LONP1: variants seen among roughly 807,000 people sequenced by gnomAD.
The protein encoded by LONP1 is lon peptidase 1, mitochondrial.
A neutral mutation model predicts 98.5 loss-of-function variants in LONP1; 31 were observed. That is an observed-to-expected ratio of 0.31 (90% CI 0.24 to 0.42). The LOEUF is 0.42. LONP1 is among the 20% of genes least tolerant of loss of function. The probability of loss-of-function intolerance (pLI) is 1.00; values close to 1 mark genes in which losing one functional copy is unlikely to be tolerated. For synonymous variants in LONP1, 781 were observed against 594.7 expected (o/e 1.31, Z -4.56); for missense variants, 1,336 against 1,350.6 (o/e 0.99, Z 0.17).
Position 5,696,270 on chromosome 19 carries a change from G to C in LONP1, c.1875C>G (p.Asp625Glu). The C allele has an allele frequency of 6.2e-7, 1 of 1,613,340 alleles. No homozygotes were observed. The highest frequency in any genetic ancestry group is 8.5e-7 in the Non-Finnish European group (1 of 1,179,868). ...QNANFLDHYL[D>E]VPVDLSKVLF... ...CCACCTTGGACAAGTCCACGGGCAC[G>C]TCCAGGTAGTGGTCCAGGAAGTTGG... Residue 625 changes from aspartate to glutamate, a missense_variant, in exon 12 of 18, where the codon GAC (aspartate) becomes GAG (glutamate). Physicochemically the swap from Asp to Glu is conservative, Grantham distance 45 (BLOSUM62 2). This residue lies in a region of LONP1 where 555 missense variants were observed against 542.6 expected (regional missense o/e 1.02). Coordinates refer to ENST00000360614, the MANE Select transcript of LONP1 (RefSeq NM_004793.4).
At chr19:5,716,805 T>G (rs1428322443) in intron 1 of LONP1, among the ~76,000 whole-genome samples, 1 of 152,172 alleles carries the variant, frequency 6.6e-6, no homozygotes, top group Non-Finnish European at 1.5e-5. Flanking sequence ...GGAAGCAATT[T>G]TTTTTTAAGA....
At chr19:5,704,680 A>C (rs1572491) in intron 8 of LONP1, among the ~76,000 whole-genome samples, 9,240 of 152,302 alleles carry the variant, frequency 0.061, 340 homozygotes, top group Middle Eastern at 0.14. Flanking sequence ...AAAGGATCTC[A>C]GAGGTACCTG....
chr19:5,702,645 G>A (rs1199957578), intron 8 of LONP1, among the ~76,000 whole-genome samples: 1 of 152,236 alleles, frequency 6.6e-6, no homozygotes, highest in Non-Finnish European at 1.5e-5. Context: ...AAGTAGACAT[G>A]AGAGACTTTT....
chr19:5,694,185 G>A (rs942397690), intron 15 of LONP1, among the ~76,000 whole-genome samples: 1 of 152,104 alleles, frequency 6.6e-6, no homozygotes, highest in Admixed American at 6.6e-5. Flanking sequence ...AATCCATAAG[G>A]CCCATGGTGT....
chr19:5,720,050 C>T lies in LONP1; in HGVS notation c.83G>A (p.Gly28Glu). ...TCCTGCTGCAGTGGGAACCCGCCCCCCGGCGGCGGCCAGCATCGGCCGCCG... is the reference window on the plus strand; with the variant it reads ...TCCTGCTGCAGTGGGAACCCGCCCCTCGGCGGCGGCCAGCATCGGCCGCCG... ...VLRRPMLAAA[G>E]GRVPTAAGAW... Residue 28 changes from glycine to glutamate, a missense_variant, in exon 1 of 18, where the codon GGG becomes GAG. Physicochemically the swap from Gly to Glu is moderately conservative, Grantham distance 98. This residue lies in a region of LONP1 where 457 missense variants were observed against 403.1 expected (regional missense o/e 1.13). Coordinates refer to ENST00000360614, the MANE Select transcript of LONP1 (RefSeq NM_004793.4). The T allele has an allele frequency of 1.3e-6, 2 of 1,538,410 alleles. No individual in the cohort carries two copies. The highest frequency in any genetic ancestry group is 1.4e-5 in the African/African-American group (1 of 70,980).
In LONP1 at chr19:5,692,148, C is replaced by A. The variant is rs139476430; in HGVS notation, c.2764G>T (p.Asp922Tyr). 50 of 1,614,022 alleles carry A rather than the reference C, an allele frequency of 3.1e-5. No individual in the cohort carries two copies. Among genetic ancestry groups the A allele is most frequent in the Non-Finnish European group, 4.2e-5 (49 of 1,180,004 alleles). ...LPAENKKDFYDLAAFITEGLE... is the reference protein window; with the variant it reads ...LPAENKKDFYYLAAFITEGLE... ...CCCTCGGTGATGAAGGCTGCCAGGTCGTAGAAGTCCTTCTTGTTCTCGGCT... is the reference window on the plus strand; with the variant it reads ...CCCTCGGTGATGAAGGCTGCCAGGTAGTAGAAGTCCTTCTTGTTCTCGGCT... The change falls in exon 18 of 18, where the codon GAC becomes TAC. Residue 922 changes from aspartate (D) to tyrosine (Y), a missense_variant. Coordinates refer to ENST00000360614, the MANE Select transcript of LONP1 (RefSeq NM_004793.4).
intron 8 of LONP1, among the ~76,000 whole-genome samples, chr19:5,702,165 C>T (rs1281036265): frequency 6.9e-6 from 1 of 145,402 alleles, no homozygotes; most frequent in Non-Finnish European, 1.5e-5. Flanking sequence ...AGTGAGGAGC[C>T]CCTCTGCCCG....
chr19:5,705,760 C>A lies in LONP1; in HGVS notation c.1367+12G>T, dbSNP rs1599466730. ...CACCTGAGGGCTGGGCCGCCCCGGG[C>A]CTGGCACTCACTTGAACTCCGAGGA... On this transcript the variant is annotated intron_variant, in intron 8 of 17. Coordinates refer to ENST00000360614, the MANE Select transcript of LONP1 (RefSeq NM_004793.4). 1 of 1,613,202 alleles carries A rather than the reference C, an allele frequency of 6.2e-7. No homozygotes were observed. The highest frequency in any genetic ancestry group is 8.5e-7 in the Non-Finnish European group (1 of 1,179,756).
chr19:5,694,553 C>T lies in LONP1; in HGVS notation c.2155-1G>A. 1 of 1,612,218 alleles carries T rather than the reference C, an allele frequency of 6.2e-7. No homozygotes were observed. The highest frequency in any genetic ancestry group is 1.1e-5 in the South Asian group (1 of 91,048). On this transcript the variant is annotated splice_acceptor_variant, in intron 14 of 17. Transcript: ENST00000360614. LOFTEE classifies it high-confidence loss of function. ...TCTTGTAGGCCGATTTCCGTAACAC[C>T]TGGGCGGTCAGGGCAACACAATGGG...
intron 4 of LONP1, chr19:5,709,032 A>C (rs1258530085): frequency 6.6e-6 from 1 of 151,520 alleles, no homozygotes; most frequent in Non-Finnish European, 1.5e-5. Flanking sequence ...AAAAAAAAAA[A>C]AAGACCAAGT....
Position 5,692,170 on chromosome 19 carries a change from G to C in LONP1, c.2742C>G (p.Ala914=), listed in dbSNP as rs376751585. ...RAGVTCIVLP[A]ENKKDFYDLA... ...GGTCGTAGAAGTCCTTCTTGTTCTC[G>C]GCTGGCAGGACGATGCACGTCACCC... The change falls in exon 18 of 18, where the codon GCC becomes GCG. Residue 914 remains alanine (A), a synonymous_variant. Coordinates refer to ENST00000360614, the MANE Select transcript of LONP1 (RefSeq NM_004793.4). 2.5e-6 allele frequency: 4 copies of C among 1,614,094 alleles called. No individual in the cohort carries two copies. The highest frequency in any genetic ancestry group is 1.1e-5 in the South Asian group (1 of 91,080).
intron 8 of LONP1, among the ~76,000 whole-genome samples, chr19:5,703,550 AGAGGAGGAC>A (rs1379347856): frequency 6.6e-6 from 1 of 151,896 alleles, no homozygotes; most frequent in Admixed American, 6.6e-5. Context: ...AAGAGGATGA[AGAGGAGGAC>A]GGCTTCCGAG....
intron 10 of LONP1, among the ~76,000 whole-genome samples, 162 bp from the exon 11 acceptor site, chr19:5,696,919 C>T (rs1221924005): frequency 6.6e-6 from 1 of 152,180 alleles, no homozygotes; most frequent in African/African-American, 2.4e-5. Flanking sequence ...ATGTGTGGCA[C>T]CTGCAGGCAC....
intron 10 of LONP1, among the ~76,000 whole-genome samples, chr19:5,698,798 T>C (rs556682482): frequency 2.0e-5 from 3 of 152,298 alleles, no homozygotes; most frequent in East Asian, 3.9e-4. Context: ...GAAGTCTCTC[T>C]CCCAGGGGTC....
At chr19:5,695,147 G>A (rs111710250) in intron 13 of LONP1, among the ~76,000 whole-genome samples, 26 of 152,090 alleles carry the variant, frequency 1.7e-4, no homozygotes, top group African/African-American at 2.9e-4. Flanking sequence ...CTTAGATGCC[G>A]CTTCCTCCAG....
At chr19:5,701,743 C>A (rs973410271) in intron 8 of LONP1, among the ~76,000 whole-genome samples, 1 of 152,020 alleles carries the variant, frequency 6.6e-6, no homozygotes, top group African/African-American at 2.4e-5. Context: ...AGCCTCTGCC[C>A]GGCCGCCACC....
chr19:5,694,625 C>A, intron 14 of LONP1, 73 bp from the exon 15 acceptor site: 1 of 1,544,232 alleles, frequency 6.5e-7, no homozygotes, highest in South Asian at 1.2e-5. Context: ...GTGACGGGCA[C>A]AGAAAGGTGT....
chr19:5,712,010 G>T lies in LONP1; in HGVS notation c.639-8C>A. The T allele has an allele frequency of 6.2e-7, 1 of 1,607,932 alleles. No individual in the cohort carries two copies. Among genetic ancestry groups the T allele is most frequent in the South Asian group, 1.1e-5 (1 of 90,832 alleles). ...TGTCTGCTGATATGGACTCTGACAC[G>T]GGAGCAAGGCAGGTGTGAATCAGCC... On this transcript the variant is annotated splice_region_variant and splice_polypyrimidine_tract_variant and intron_variant, in intron 3 of 17. Coordinates refer to ENST00000360614, the MANE Select transcript of LONP1 (RefSeq NM_004793.4).
intron 7 of LONP1, 33 bp from the exon 8 acceptor site, chr19:5,706,025 C>T (rs762623670): frequency 1.3e-6 from 2 of 1,522,546 alleles, no homozygotes; most frequent in Non-Finnish European, 9.1e-7. Context: ...CAGGCCCTGG[C>T]TCCGGGAAGC....
Sources: allele counts gnomAD v4.1 joint callset (sites outside exome capture counted in the v4.1 genomes callset), GRCh38; gene constraint gnomAD v4.1.1; regional missense constraint gnomAD v4.1.1; transcripts MANE v1.5; gene names NCBI Gene and HGNC (gene_info 2026-07-23, HGNC 2026-07-21).